SOCS5: variants seen among roughly 807,000 people sequenced by gnomAD.
SOCS5 encodes CIS-6.
A neutral mutation model predicts 42.8 loss-of-function variants in SOCS5; 32 were observed. The observed-to-expected ratio is 0.75, with a 90% CI of 0.56 to 1.01. The LOEUF (loss-of-function observed/expected upper bound fraction) is 1.01. SOCS5 is among the 50% of genes least tolerant of loss of function. SOCS5 has a pLI of 0.00. For missense variants in SOCS5, 627 were observed against 653.0 expected, an observed-to-expected ratio of 0.96 and a Z score of 0.43; for synonymous variants, 283 against 229.6, an observed-to-expected ratio of 1.23 and a Z score of -2.10.
At chr2:46,715,756 A>G (rs1346153715) in intron 1 of SOCS5, among the ~76,000 whole-genome samples, 2 of 152,182 alleles carry the variant, frequency 1.3e-5, no homozygotes, top group Non-Finnish European at 2.9e-5. Flanking sequence ...ATTGACAGCA[A>G]CTTTATTATG....
intron 1 of SOCS5, among the ~76,000 whole-genome samples, chr2:46,733,623 A>C (rs1419343036): frequency 6.6e-6 from 1 of 152,112 alleles, no homozygotes; most frequent in Non-Finnish European, 1.5e-5. Flanking sequence ...GGGATGAATA[A>C]ATAATAAGCA....
chr2:46,758,593 T>C lies in SOCS5; in HGVS notation c.63T>C (p.His21=). 1.2e-6 allele frequency: 2 copies of C among 1,613,464 alleles called. No individual in the cohort carries two copies. The highest frequency in any genetic ancestry group is 1.7e-6 in the Non-Finnish European group (2 of 1,179,580). ...ACAGGTGTCAGAATCTCTTCGGTCA[T>C]GAGGGAGGAAGCCGTAGTGAAAATG... ...FKYRCQNLFG[H]EGGSRSENVD... The change falls in exon 2 of 2, where the codon CAT becomes CAC. Residue 21 remains histidine, a synonymous_variant. Transcript: ENST00000394861.
intron 1 of SOCS5, among the ~76,000 whole-genome samples, chr2:46,712,375 G>T (rs374765702): frequency 8.8e-6 from 1 of 113,228 alleles, no homozygotes; most frequent in African/African-American, 3.5e-5. Context: ...ACACAGTCTC[G>T]CTCTGTTGCC....
intron 1 of SOCS5, among the ~76,000 whole-genome samples, chr2:46,710,580 A>C (rs1295284605): frequency 3.3e-5 from 5 of 152,202 alleles, no homozygotes; most frequent in African/African-American, 1.2e-4. Flanking sequence ...GTGAAAAAAA[A>C]CTCTAAGCAA....
chr2:46,723,273 T>C (rs954099132), intron 1 of SOCS5, among the ~76,000 whole-genome samples: 9 of 152,068 alleles, frequency 5.9e-5, no homozygotes, highest in African/African-American at 2.2e-4. Flanking sequence ...TCTGAAAGTT[T>C]TATAGGTTGG....
chr2:46,729,679 G>C (rs773540355), intron 1 of SOCS5, among the ~76,000 whole-genome samples: 2 of 152,138 alleles, frequency 1.3e-5, no homozygotes, highest in African/African-American at 2.4e-5. Context: ...CCGTGGGTGA[G>C]TGAGTGAGTG....
chr2:46,739,115 C>T (rs766473504), intron 1 of SOCS5, among the ~76,000 whole-genome samples: 4 of 152,016 alleles, frequency 2.6e-5, no homozygotes, highest in Non-Finnish European at 5.9e-5. Flanking sequence ...TTAATTGGGT[C>T]GACTGTGCCA....
intron 1 of SOCS5, among the ~76,000 whole-genome samples, chr2:46,718,604 G>A (rs2103708674): frequency 6.6e-6 from 1 of 152,076 alleles, no homozygotes; most frequent in African/African-American, 2.4e-5. Flanking sequence ...TCTGATATAA[G>A]GCATTTAAGT....
intron 1 of SOCS5, among the ~76,000 whole-genome samples, chr2:46,711,734 T>C (rs548998153): frequency 3.7e-4 from 56 of 152,252 alleles, no homozygotes; most frequent in Non-Finnish European, 1.0e-4. Context: ...TCCAGATGCT[T>C]TATGGTGATA....
intron 1 of SOCS5, among the ~76,000 whole-genome samples, chr2:46,701,101 C>T (rs1672333228): frequency 6.6e-6 from 1 of 152,186 alleles, no homozygotes; most frequent in Non-Finnish European, 1.5e-5. Flanking sequence ...TATTCGTCCT[C>T]AGGGAGAATG....
intron 1 of SOCS5, among the ~76,000 whole-genome samples, chr2:46,713,870 A>G (rs563231518): frequency 7.4e-4 from 112 of 152,302 alleles, no homozygotes; most frequent in African/African-American, 2.6e-3. Flanking sequence ...CATTCAAAAT[A>G]TTTTTAAATT....
intron 1 of SOCS5, among the ~76,000 whole-genome samples, chr2:46,747,163 A>G (rs1673520446): frequency 6.6e-6 from 1 of 152,102 alleles, no homozygotes; most frequent in Non-Finnish European, 1.5e-5. Flanking sequence ...ATGTTTTTCT[A>G]AAAATCTAGT....
rs753076157 is a variant in SOCS5 at position 46,759,393 on chromosome 2, A to G, written c.863A>G (p.Glu288Gly). 7 of 1,613,998 alleles carry G rather than the reference A, an allele frequency of 4.3e-6. No individual in the cohort carries two copies. Among genetic ancestry groups the G allele is most frequent in the East Asian group, 2.2e-5 (1 of 44,892 alleles). The change falls in exon 2 of 2, where the codon GAA becomes GGA. Residue 288 changes from glutamate to glycine, a missense_variant. Around this residue, in one of 3 missense-constraint regions of SOCS5, gnomAD observed 340 missense variants for 367.6 expected, o/e 0.92. Coordinates refer to ENST00000394861, the MANE Select transcript of SOCS5 (RefSeq NM_144949.3). ...PPPNAQIHTF[E>G]ATAQVNPLYK... ...CCCAATGCACAAATACATACATTTG[A>G]AGCTACTGCACAGGTTAATCCATTA...
chr2:46,748,105 C>T (rs1673544816), intron 1 of SOCS5, among the ~76,000 whole-genome samples: 1 of 151,902 alleles, frequency 6.6e-6, no homozygotes, highest in African/African-American at 2.4e-5. Flanking sequence ...CCTTATTTGC[C>T]TTTACTTCTC....
chr2:46,708,616 C>T (rs1178224758), intron 1 of SOCS5, among the ~76,000 whole-genome samples: 1 of 152,104 alleles, frequency 6.6e-6, no homozygotes, highest in African/African-American at 2.4e-5. Flanking sequence ...TTACCTATTA[C>T]CCATTGCCAC....
At chr2:46,738,351 C>G (rs980278534) in intron 1 of SOCS5, among the ~76,000 whole-genome samples, 1 of 152,076 alleles carries the variant, frequency 6.6e-6, no homozygotes, top group African/African-American at 2.4e-5. Flanking sequence ...AAAAGGTACA[C>G]TGGAGGGACA....
At position 46,760,405 on chromosome 2, in the gene SOCS5, G is replaced by A. The variant is rs41320947; in HGVS notation, c.*264G>A. On this transcript the variant is annotated 3_prime_UTR_variant, in exon 2 of 2. Coordinates refer to ENST00000394861, the MANE Select transcript of SOCS5 (RefSeq NM_144949.3). ...TAACAGTTTGGTTTTTAATGGCTGT[G>A]GTATTTGAGTGAGGCAACTCTGGGG... 0.056 allele frequency: 20,718 copies of A among 368,584 alleles called. 612 individuals are homozygous for A. The highest frequency in any genetic ancestry group is 0.11 in the Middle Eastern group (151 of 1,334). 22.8% of individuals were successfully genotyped at this position (368,584 alleles called of 1,614,324 possible).
At chr2:46,712,306 C>CT (rs113022507) in intron 1 of SOCS5, among the ~76,000 whole-genome samples, 47,109 of 108,164 alleles carry the variant, frequency 0.44, 10,765 homozygotes, top group African/African-American at 0.68. Flanking sequence ...TTGCTTAGAG[C>CT]TTTTTTTTTT....
chr2:46,722,214 C>G (rs1163471363), intron 1 of SOCS5, among the ~76,000 whole-genome samples: 1 of 152,004 alleles, frequency 6.6e-6, no homozygotes, highest in Non-Finnish European at 1.5e-5. Context: ...ATACCCATGT[C>G]ATATCTTTGT....
Sources: allele counts gnomAD v4.1 joint callset (sites outside exome capture counted in the v4.1 genomes callset), GRCh38; gene constraint gnomAD v4.1.1; regional missense constraint gnomAD v4.1.1; transcripts MANE v1.5; gene names NCBI Gene and HGNC (gene_info 2026-07-23, HGNC 2026-07-21).